The following PRKCB variants were observed in gnomAD, a reference collection of about 807,000 sequenced individuals.
The protein encoded by PRKCB is protein kinase C beta type.
A neutral mutation model predicts 81.5 loss-of-function variants in PRKCB; 13 were observed. The ratio of observed to expected loss-of-function variants is 0.16; its 90% CI spans 0.10 to 0.25. The LOEUF is 0.25. Among genes scored for constraint, PRKCB ranks in the 10% least tolerant of loss-of-function variants. The pLI, the probability that PRKCB is intolerant of heterozygous loss-of-function variation, is 1.00. For missense variants in PRKCB, 509 were observed against 875.7 expected (o/e 0.58, Z 5.29); for synonymous variants, 335 against 321.4 (o/e 1.04, Z -0.45).
At chr16:23,939,217 T>C (rs1250727804) in intron 2 of PRKCB, among the ~76,000 whole-genome samples, 1 of 152,178 alleles carries the variant, frequency 6.6e-6, no homozygotes, top group Non-Finnish European at 1.5e-5. Context: ...CTGTAAAATG[T>C]TGATGAAAGA....
intron 9 of PRKCB, among the ~76,000 whole-genome samples, chr16:24,138,761 C>A (rs1019828154): frequency 4.6e-5 from 7 of 152,048 alleles, no homozygotes; most frequent in African/African-American, 1.4e-4. Flanking sequence ...CTACTCCCAG[C>A]CCCTAGCAAC....
chr16:23,938,647 AATCT>A (rs1327499589), intron 2 of PRKCB, among the ~76,000 whole-genome samples: 3 of 152,212 alleles, frequency 2.0e-5, no homozygotes, highest in Admixed American at 1.3e-4. Context: ...AACTTTACTT[AATCT>A]ATCATCTTTT....
intron 8 of PRKCB, among the ~76,000 whole-genome samples, chr16:24,123,556 T>G (rs1489633257): frequency 6.6e-6 from 1 of 151,858 alleles, no homozygotes; most frequent in Non-Finnish European, 1.5e-5. Flanking sequence ...TGGCAGGTAG[T>G]GATGGTTGAG....
chr16:24,216,285 AT>A lies in PRKCB; in HGVS notation c.*1473del, dbSNP rs1307002156. 1.0e-6 allele frequency: 1 copy of A among 985,210 alleles called. No homozygotes were observed. The highest frequency in any genetic ancestry group is 1.2e-6 in the Non-Finnish European group (1 of 829,940). 61.0% of individuals were successfully genotyped at this position (985,210 alleles called of 1,614,324 possible). A position where few individuals can be genotyped will look rare whatever the true frequency, so the allele number is the denominator to read the frequency against. On this transcript the variant is annotated 3_prime_UTR_variant, in exon 17 of 17. Transcript: ENST00000643927. ...GCTGGGAACGTGAATGGGGCTCTTG[AT>A]TTTCTTATCAAAATCACCACTCCTC...
chr16:23,900,651 C>G (rs74559778), intron 2 of PRKCB, among the ~76,000 whole-genome samples: 8 of 145,018 alleles, frequency 5.5e-5, no homozygotes, highest in Admixed American at 2.8e-4. Flanking sequence ...TATGTGATGA[C>G]GTATCTTAGA....
chr16:24,179,712 G>A (rs1258778132), intron 12 of PRKCB, among the ~76,000 whole-genome samples: 2 of 152,112 alleles, frequency 1.3e-5, no homozygotes, highest in African/African-American at 4.8e-5. Context: ...CCTTAGACAG[G>A]TCTTTTCTGA....
chr16:23,977,718 T>G (rs556432982), intron 2 of PRKCB, among the ~76,000 whole-genome samples: 112 of 152,292 alleles, frequency 7.4e-4, no homozygotes, highest in African/African-American at 2.6e-3. Context: ...AATGTTGGAA[T>G]TTTGAAGCCA....
chr16:23,958,048 G>A (rs147658516), intron 2 of PRKCB, among the ~76,000 whole-genome samples: 114 of 152,328 alleles, frequency 7.5e-4, no homozygotes, highest in African/African-American at 2.6e-3. Context: ...CTGGAGTGCA[G>A]TGGCACAATC....
At chr16:23,968,301 G>A (rs1321371864) in intron 2 of PRKCB, among the ~76,000 whole-genome samples, 1 of 152,198 alleles carries the variant, frequency 6.6e-6, no homozygotes, top group Non-Finnish European at 1.5e-5. Context: ...TTCATGAAAG[G>A]ACTATTTAGG....
chr16:24,175,315 A>G (rs895385042), intron 12 of PRKCB, among the ~76,000 whole-genome samples: 35 of 152,138 alleles, frequency 2.3e-4, no homozygotes, highest in African/African-American at 6.7e-4. Context: ...TTCAAAGATT[A>G]TGAAGAACCA....
chr16:24,213,681 G>A (rs1432213348), intron 16 of PRKCB, among the ~76,000 whole-genome samples: 2 of 152,318 alleles, frequency 1.3e-5, no homozygotes, highest in Middle Eastern at 3.4e-3. Flanking sequence ...AACACATAGA[G>A]CTTTTGTGCA....
intron 10 of PRKCB, among the ~76,000 whole-genome samples, chr16:24,162,762 A>G (rs1226724717): frequency 6.6e-6 from 1 of 151,944 alleles, no homozygotes; most frequent in Non-Finnish European, 1.5e-5. Context: ...CCTGGAGAGG[A>G]TTGTTGATGA....
chr16:24,090,781 T>A (rs990152531), intron 5 of PRKCB, among the ~76,000 whole-genome samples: 1 of 152,184 alleles, frequency 6.6e-6, no homozygotes, highest in African/African-American at 2.4e-5. Context: ...GAAAGTGGTA[T>A]AATTTCTGGG....
intron 10 of PRKCB, among the ~76,000 whole-genome samples, chr16:24,162,155 T>C (rs1010673292): frequency 4.6e-5 from 7 of 152,120 alleles, no homozygotes; most frequent in African/African-American, 1.4e-4. Flanking sequence ...GGAACGTCAA[T>C]TCAGAATGCA....
chr16:23,941,237 G>A (rs1964137408), intron 2 of PRKCB, among the ~76,000 whole-genome samples: 1 of 152,172 alleles, frequency 6.6e-6, no homozygotes, highest in Non-Finnish European at 1.5e-5. Flanking sequence ...AAAACAGGTG[G>A]CAGGCCTGCA....
At chr16:23,946,861 C>CTTTGTCT (rs1555486662) in intron 2 of PRKCB, among the ~76,000 whole-genome samples, 1 of 146,828 alleles carries the variant, frequency 6.8e-6, no homozygotes, top group Admixed American at 6.8e-5. Flanking sequence ...TTGTCTTTGT[C>CTTTGTCT]TTTTTTTTTT....
At chr16:23,942,339 G>A (rs577605372) in intron 2 of PRKCB, among the ~76,000 whole-genome samples, 23 of 152,320 alleles carry the variant, frequency 1.5e-4, no homozygotes, top group African/African-American at 4.8e-4. Flanking sequence ...TCCCCATGGC[G>A]TTGGAGCATA....
intron 9 of PRKCB, among the ~76,000 whole-genome samples, chr16:24,153,654 A>T (rs1967111005): frequency 6.6e-6 from 1 of 152,112 alleles, no homozygotes; most frequent in African/African-American, 2.4e-5. Flanking sequence ...CCCGGTTGGG[A>T]GAGTGGGAGA....
At chr16:24,120,112 A>G (rs1023363001) in intron 8 of PRKCB, among the ~76,000 whole-genome samples, 2 of 152,272 alleles carry the variant, frequency 1.3e-5, no homozygotes, top group African/African-American at 4.8e-5. Flanking sequence ...TACACACTCT[A>G]CAATGCTGTT....
Sources: gnomAD v4.1 joint callset for allele counts (sites outside exome capture counted in the v4.1 genomes callset) on GRCh38, gnomAD v4.1.1 for gene constraint, MANE v1.5 for transcripts, NCBI Gene and HGNC (gene_info 2026-07-23, HGNC 2026-07-21) for gene names.